The following MYLK3 variants were observed in gnomAD, a reference collection of about 807,000 sequenced individuals.
MYLK3 encodes myosin light chain kinase 3.
MYLK3 carries 55 observed loss-of-function variants against 76.3 expected under a neutral mutation model. The observed-to-expected ratio is 0.72, with a 90% CI of 0.58 to 0.90. MYLK3 has a LOEUF of 0.90. MYLK3 is among the 40% of genes least tolerant of loss of function. The pLI, the probability that MYLK3 is intolerant of heterozygous loss-of-function variation, is 0.00. For synonymous variants in MYLK3, 416 were observed against 425.4 expected, an observed-to-expected ratio of 0.98 and a Z score of 0.27; for missense variants, 973 against 1,053.6, an observed-to-expected ratio of 0.92 and a Z score of 1.06.
intron 1 of MYLK3, among the ~76,000 whole-genome samples, chr16:46,741,661 C>T (rs1414896549): frequency 1.3e-5 from 2 of 151,990 alleles, no homozygotes; most frequent in African/African-American, 4.8e-5. Flanking sequence ...TCAGTGAGTG[C>T]CTTACACCTG....
upstream of MYLK3, among the ~76,000 whole-genome samples, chr16:46,753,131 G>A (rs1163855442): frequency 6.6e-6 from 1 of 152,196 alleles, no homozygotes; most frequent in Admixed American, 6.5e-5. Flanking sequence ...TGGCCACAAA[G>A]GTGAATACAG....
In MYLK3 at chr16:46,732,579, G is replaced by A. The variant is rs752130176; in HGVS notation, c.1091C>T (p.Ala364Val). The A allele has an allele frequency of 1.3e-6, 2 of 1,598,882 alleles. No homozygotes were observed. The highest frequency in any genetic ancestry group is 1.7e-6 in the Non-Finnish European group (2 of 1,179,282). ...CTTGCCTGGCTGGGCAGCTGCTGGA[G>A]CCTCTGTGGTGAGGGTGGGTCCAAG... is the stretch of plus-strand genomic sequence containing the variant. ...GSLGPTLTTE[A>V]PAAAQPGKQG... The change falls in exon 4 of 13, where the codon GCT becomes GTT. Residue 364 changes from alanine (A) to valine (V), a missense_variant. By Grantham distance (64) the Ala-to-Val change is moderately conservative. Transcript: ENST00000394809.
intron 1 of MYLK3, among the ~76,000 whole-genome samples, chr16:46,757,963 G>T (rs192158415): frequency 2.0e-5 from 3 of 152,322 alleles, no homozygotes; most frequent in Non-Finnish European, 4.4e-5. Flanking sequence ...CAGCAGAGAG[G>T]TGGCGGCCCT....
chr16:46,734,001 G>C (rs1160170324), intron 3 of MYLK3, among the ~76,000 whole-genome samples: 1 of 152,092 alleles, frequency 6.6e-6, no homozygotes, highest in Non-Finnish European at 1.5e-5. Context: ...GAAAACTGGA[G>C]GCTCTTCAGA....
At chr16:46,733,781 C>T (rs746945689) in intron 3 of MYLK3, among the ~76,000 whole-genome samples, 1 of 152,046 alleles carries the variant, frequency 6.6e-6, no homozygotes, top group Non-Finnish European at 1.5e-5. Flanking sequence ...CAGTGTCTGG[C>T]GGGGACTGAG....
Position 46,729,038 on chromosome 16 carries a change from G to A in MYLK3, c.1758C>T (p.Thr586=), listed in dbSNP as rs778301911. ...YDAFESKHSC[T]LVMEYVDGGE... The stretch of plus-strand genomic sequence containing the variant: ...CTGATACTCACTACTCCATGACAAG[G>A]GTGCAGCTGTGCTTGCTCTCGAAGG... The change falls in exon 7 of 13, where the codon ACC becomes ACT. Residue 586 remains threonine (T), a synonymous_variant. Coordinates refer to ENST00000394809, the MANE Select transcript of MYLK3 (RefSeq NM_182493.3). 4 of 1,613,808 alleles carry A rather than the reference G, an allele frequency of 2.5e-6. No homozygotes were observed. Among genetic ancestry groups the A allele is most frequent in the Non-Finnish European group, 2.5e-6 (3 of 1,179,676 alleles).
At position 46,763,230 on chromosome 16, in the gene MYLK3, C is replaced by CA. The variant is rs1248573621; in HGVS notation, c.-305_-304insT. ...AAGCTGCCCTCTGGTCTCCCTTCCT[C>CA]TGCTGGTCGGCCCTCTGAGCGTTCT... On this transcript the variant is annotated 5_prime_UTR_variant, in exon 1 of 12. Coordinates refer to the MYLK3 transcript ENST00000536476. The CA allele has an allele frequency of 3.1e-5, 31 of 985,406 alleles. 1 individual carries two copies. The East Asian group carries it at 2.8e-3, about 90-fold the overall frequency. 61.0% of individuals were successfully genotyped at this position (985,406 alleles called of 1,614,324 possible).
intron 5 of MYLK3, among the ~76,000 whole-genome samples, chr16:46,730,176 C>G (rs1412706556): frequency 1.3e-5 from 2 of 151,008 alleles, no homozygotes; most frequent in Non-Finnish European, 3.0e-5. Flanking sequence ...ATCCTGCACC[C>G]CAGGGAACAT....
At chr16:46,744,903 TAA>T (rs1356848001) in intron 1 of MYLK3, among the ~76,000 whole-genome samples, 1 of 152,162 alleles carries the variant, frequency 6.6e-6, no homozygotes, top group Non-Finnish European at 1.5e-5. Flanking sequence ...TTATGTTTTT[TAA>T]AAGAGCCCTT....
rs536129153 is a variant in MYLK3 at position 46,718,753 on chromosome 16, G to A, written c.1985+2370C>T. On this transcript the variant is annotated intron_variant, in intron 9 of 12. Transcript: ENST00000394809. ...GGCTGAGGCGGGCAGATCACTTGAA[G>A]TCAGGAGTTCAAGACCAGCCTGGCC... Among the ~76,000 whole-genome samples the A allele has an allele frequency of 5.6e-4, 85 of 151,464 alleles. 1 individual carries two copies. The highest frequency in any genetic ancestry group is 9.7e-4 in the Non-Finnish European group (66 of 67,842).
intron 9 of MYLK3, among the ~76,000 whole-genome samples, chr16:46,719,113 C>G (rs1457076711): frequency 2.7e-5 from 4 of 149,990 alleles, no homozygotes; most frequent in Non-Finnish European, 5.9e-5. Flanking sequence ...CGGATCACGA[C>G]GTCAAGAGAT....
chr16:46,732,345 G>GC lies in MYLK3; in HGVS notation c.1324dup (p.Ala442GlyfsTer16). 1 of 1,613,238 alleles carries GC rather than the reference G, an allele frequency of 6.2e-7. No homozygotes were observed. The highest frequency in any genetic ancestry group is 1.1e-5 in the South Asian group (1 of 91,088). Reference sequence around the variant, plus strand: ...GCTTTTGCCCTGCTGCAGGCCCAGGGCCCCAACCTCGTGGTCATTGTCGTC... The same window carrying GC: ...GCTTTTGCCCTGCTGCAGGCCCAGGGCCCCCAACCTCGTGGTCATTGTCGTC... On this transcript the variant is annotated frameshift_variant, in exon 4 of 13. Transcript: ENST00000394809. LOFTEE classifies it high-confidence loss of function.
At chr16:46,758,655 G>T (rs1967237601) in intron 1 of MYLK3, among the ~76,000 whole-genome samples, 1 of 152,192 alleles carries the variant, frequency 6.6e-6, no homozygotes, top group African/African-American at 2.4e-5. Flanking sequence ...CACGAGAAGG[G>T]TCATTTCCCT....
Position 46,721,303 on chromosome 16 carries a change from C to A in MYLK3, c.1915-110G>T. The A allele has an allele frequency of 5.6e-6, 5 of 890,218 alleles. No homozygotes were observed. The South Asian group carries it at 5.6e-5, about 10-fold the overall frequency. The allele number at this position is 890,218 out of a possible 1,614,324, so 55.1% of individuals were successfully genotyped here. ...CAGCCTTCAAGGGACATGAATGGCT[C>A]AGGGCAGCCCTGCAAGGGCTGGATA... On this transcript the variant is annotated intron_variant, in intron 8 of 12. Coordinates refer to ENST00000394809, the MANE Select transcript of MYLK3 (RefSeq NM_182493.3).
intron 9 of MYLK3, among the ~76,000 whole-genome samples, chr16:46,714,898 C>T (rs552579115): frequency 6.6e-6 from 1 of 152,312 alleles, no homozygotes; most frequent in South Asian, 2.1e-4. Flanking sequence ...AAATGCTTCA[C>T]AATCATCTAT....
At chr16:46,714,679 T>C (rs1455657709) in intron 9 of MYLK3, among the ~76,000 whole-genome samples, 1 of 152,164 alleles carries the variant, frequency 6.6e-6, no homozygotes. Flanking sequence ...CATGTGACTT[T>C]GTAGTTCCCT....
chr16:46,741,979 T>C (rs1299320069), intron 1 of MYLK3, among the ~76,000 whole-genome samples: 1 of 152,138 alleles, frequency 6.6e-6, no homozygotes, highest in Non-Finnish European at 1.5e-5. Flanking sequence ...GTACTCACTT[T>C]GTTACCCAGG....
chr16:46,737,600 C>T (rs945204883), intron 3 of MYLK3, 111 bp downstream of exon 3: 6 of 1,100,964 alleles, frequency 5.4e-6, no homozygotes, highest in East Asian at 5.0e-5. Flanking sequence ...CCATTCCCCT[C>T]GCAAGAACAG....
intron 9 of MYLK3, among the ~76,000 whole-genome samples, chr16:46,715,447 C>T (rs998938604): frequency 2.6e-5 from 4 of 152,208 alleles, no homozygotes; most frequent in African/African-American, 9.6e-5. Flanking sequence ...AAAACGCTCT[C>T]TTCATATTCT....
Sources: allele counts gnomAD v4.1 joint callset (sites outside exome capture counted in the v4.1 genomes callset), GRCh38; gene constraint gnomAD v4.1.1; transcripts MANE v1.5; gene names NCBI Gene and HGNC (gene_info 2026-07-23, HGNC 2026-07-21).